Variants in WWOX observed in about 807,000 individuals in gnomAD.
WWOX encodes the protein WW domain containing oxidoreductase, also known as WW domain-containing oxidoreductase.
In WWOX, 69 loss-of-function variants were observed where a neutral mutation model predicts 46.2. The ratio of observed to expected loss-of-function variants is 1.49; its 90% CI spans 1.23 to 1.82. WWOX has a LOEUF of 1.82. Among genes scored for constraint, WWOX ranks in the 40% most tolerant of loss-of-function variants. The probability of loss-of-function intolerance (pLI) is 0.00; values close to 1 mark genes in which losing one functional copy is unlikely to be tolerated. For missense variants in WWOX, 919 were observed against 542.6 expected (o/e 1.69, Z -6.89); for synonymous variants, 359 against 202.6 (o/e 1.77, Z -6.56).
chr16:78,596,667 A>G (rs1023578401), intron 8 of WWOX, among the ~76,000 whole-genome samples: 14 of 152,322 alleles, frequency 9.2e-5, no homozygotes, highest in Middle Eastern at 3.4e-3. Context: ...GGACTGTGTC[A>G]TTGGAAGCCA....
intron 8 of WWOX, among the ~76,000 whole-genome samples, chr16:78,732,904 G>T (rs571779707): frequency 1.3e-5 from 2 of 152,146 alleles, no homozygotes; most frequent in African/African-American, 4.8e-5. Context: ...GCTGTGTTTC[G>T]CAAGAGTAAA....
At position 78,422,663 on chromosome 16, in the gene WWOX, G is replaced by GTGTATATATATATATATATA. The variant is rs1438850450; in HGVS notation, c.606-2206_606-2205insGTATATATATATATATATAT. Reference sequence around the variant, plus strand: ...GCCCAGCCTCCTGTTTTTTTTACATGTATATATATATATATATATATACAC... The same window carrying GTGTATATATATATATATATA: ...GCCCAGCCTCCTGTTTTTTTTACATGTGTATATATATATATATATATATATATATATATATATATATACAC... On this transcript the variant is annotated intron_variant, in intron 6 of 8. Transcript: ENST00000566780. Among the ~76,000 whole-genome samples the GTGTATATATATATATATATA allele has an allele frequency of 4.1e-4, 10 of 24,410 alleles. 1 individual carries two copies. The highest frequency in any genetic ancestry group is 3.4e-3 in the Admixed American group (4 of 1,172). The allele number at this position is 24,410 out of a possible 152,430, so 16.0% of individuals were successfully genotyped here.
intron 8 of WWOX, among the ~76,000 whole-genome samples, chr16:79,082,758 A>G (rs1034868242): frequency 2.6e-5 from 4 of 152,140 alleles, no homozygotes; most frequent in Non-Finnish European, 2.9e-5. Flanking sequence ...TTGAGAAGGG[A>G]CGTGTAGGGA....
chr16:79,077,138 G>C (rs1019519674), intron 8 of WWOX, among the ~76,000 whole-genome samples: 1 of 152,152 alleles, frequency 6.6e-6, no homozygotes, highest in Non-Finnish European at 1.5e-5. Flanking sequence ...CCCTAAGCCC[G>C]TGCTTTGTAG....
At chr16:78,903,432 C>G (rs1276478785) in intron 8 of WWOX, among the ~76,000 whole-genome samples, 2 of 152,200 alleles carry the variant, frequency 1.3e-5, no homozygotes, top group Non-Finnish European at 2.9e-5. Context: ...CCATCAGAGG[C>G]TGAAGTGAAG....
intron 5 of WWOX, among the ~76,000 whole-genome samples, chr16:78,328,552 C>A (rs191460487): frequency 1.3e-5 from 2 of 152,096 alleles, no homozygotes; most frequent in African/African-American, 2.4e-5. Flanking sequence ...TTTATTCTTG[C>A]AACAAGTATT....
chr16:78,774,666 C>G (rs766398690), intron 8 of WWOX, among the ~76,000 whole-genome samples: 2 of 152,072 alleles, frequency 1.3e-5, no homozygotes, highest in African/African-American at 4.8e-5. Flanking sequence ...CGGGCAGTTC[C>G]TTGAAAGACT....
At chr16:78,906,019 A>G (rs2044954010) in intron 8 of WWOX, among the ~76,000 whole-genome samples, 1 of 152,208 alleles carries the variant, frequency 6.6e-6, no homozygotes, top group East Asian at 1.9e-4. Flanking sequence ...TTTGGGATGA[A>G]TGCAATGATG....
At chr16:78,696,052 C>CT (rs764197562) in intron 8 of WWOX, among the ~76,000 whole-genome samples, 282 of 152,230 alleles carry the variant, frequency 1.9e-3, no homozygotes, top group Non-Finnish European at 3.3e-3. Context: ...CTGTGTTAAG[C>CT]TTTCTGGGTG....
At chr16:78,698,713 C>T (rs573772338) in intron 8 of WWOX, among the ~76,000 whole-genome samples, 125 of 152,220 alleles carry the variant, frequency 8.2e-4, no homozygotes, top group African/African-American at 2.7e-3. Flanking sequence ...CAGTGGAATT[C>T]CCCTGTAGTC....
chr16:78,872,078 C>T (rs1015229483), intron 8 of WWOX, among the ~76,000 whole-genome samples: 9 of 152,166 alleles, frequency 5.9e-5, no homozygotes, highest in Admixed American at 2.0e-4. Flanking sequence ...GTTTGAAGTA[C>T]GTAAGACGTT....
At chr16:79,054,588 A>C (rs1330693823) in intron 8 of WWOX, among the ~76,000 whole-genome samples, 7 of 152,192 alleles carry the variant, frequency 4.6e-5, no homozygotes, top group Admixed American at 3.3e-4. Flanking sequence ...TGGGGCGGTC[A>C]AGGTGGGAAG....
At chr16:78,867,865 C>G (rs759675516) in intron 8 of WWOX, among the ~76,000 whole-genome samples, 1 of 152,084 alleles carries the variant, frequency 6.6e-6, no homozygotes, top group African/African-American at 2.4e-5. Flanking sequence ...TAGCTTAGCT[C>G]TAACCAGAAA....
intron 8 of WWOX, among the ~76,000 whole-genome samples, chr16:78,549,645 G>C (rs1421883874): frequency 6.6e-6 from 1 of 152,128 alleles, no homozygotes; most frequent in Non-Finnish European, 1.5e-5. Context: ...CTGCAAGCGA[G>C]CTAATGGAAA....
At chr16:78,222,855 A>G (rs935168201) in intron 5 of WWOX, among the ~76,000 whole-genome samples, 6 of 152,194 alleles carry the variant, frequency 3.9e-5, no homozygotes, top group African/African-American at 9.7e-5. Context: ...TAATCTCACA[A>G]AAGATCTTCC....
chr16:78,529,374 G>T (rs544897321), intron 8 of WWOX, among the ~76,000 whole-genome samples: 1 of 152,124 alleles, frequency 6.6e-6, no homozygotes, highest in East Asian at 1.9e-4. Context: ...TGTGGCTGGG[G>T]TTCTTGGGTA....
At chr16:79,195,335 C>A (rs949759504) in intron 8 of WWOX, among the ~76,000 whole-genome samples, 1 of 152,074 alleles carries the variant, frequency 6.6e-6, no homozygotes, top group African/African-American at 2.4e-5. Flanking sequence ...ATGCTCCAGT[C>A]AATCCCAAGG....
intron 8 of WWOX, among the ~76,000 whole-genome samples, chr16:79,131,803 G>C (rs1054221231): frequency 4.6e-5 from 7 of 152,038 alleles, no homozygotes; most frequent in African/African-American, 1.7e-4. Flanking sequence ...AAGAAAAATC[G>C]GTTTAATGGA....
chr16:78,446,038 A>G (rs575106169), intron 8 of WWOX, among the ~76,000 whole-genome samples: 4 of 152,284 alleles, frequency 2.6e-5, no homozygotes, highest in African/African-American at 7.2e-5. Context: ...AACTGGGCTT[A>G]TTTTGCTTCT....
Sources: gnomAD v4.1 joint callset for allele counts (sites outside exome capture counted in the v4.1 genomes callset) on GRCh38, gnomAD v4.1.1 for gene constraint, MANE v1.5 for transcripts, NCBI Gene and HGNC (gene_info 2026-07-23, HGNC 2026-07-21) for gene names.